CPEB3: variants seen among roughly 807,000 people sequenced by gnomAD.
The protein encoded by CPEB3 is cytoplasmic polyadenylation element-binding protein 3.
In CPEB3, 20 loss-of-function variants were observed where a neutral mutation model predicts 67.2. That is an observed-to-expected ratio of 0.30 (90% CI 0.21 to 0.43). The LOEUF is 0.43. CPEB3 is among the 20% of genes least tolerant of loss of function. The pLI, the probability that CPEB3 is intolerant of heterozygous loss-of-function variation, is 1.00. For synonymous variants in CPEB3, 376 were observed against 393.1 expected (o/e 0.96, Z 0.51); for missense variants, 746 against 968.6 (o/e 0.77, Z 3.05).
intron 2 of CPEB3, among the ~76,000 whole-genome samples, chr10:92,200,563 A>G: frequency 6.6e-6 from 1 of 151,770 alleles, no homozygotes; most frequent in East Asian, 1.9e-4. Flanking sequence ...AAAAAAAAAA[A>G]AAAAAAGATT....
intron 1 of CPEB3, among the ~76,000 whole-genome samples, chr10:92,276,727 T>C (rs910520320): frequency 2.8e-4 from 42 of 152,232 alleles, no homozygotes; most frequent in African/African-American, 9.6e-4. Context: ...CTGGGCTATA[T>C]GGTAACTCTA....
intron 6 of CPEB3, among the ~76,000 whole-genome samples, chr10:92,142,264 T>C (rs1457612054): frequency 6.6e-6 from 1 of 152,216 alleles, no homozygotes; most frequent in African/African-American, 2.4e-5. Context: ...TGAGTAATAT[T>C]ACACAATAAT....
At chr10:92,097,832 T>G (rs970433669) in intron 7 of CPEB3, among the ~76,000 whole-genome samples, 1 of 152,104 alleles carries the variant, frequency 6.6e-6, no homozygotes, top group Non-Finnish European at 1.5e-5. Context: ...ATGGCACCCA[T>G]TAGCGTACTT....
chr10:92,071,362 C>CA (rs1366883819), intron 9 of CPEB3, among the ~76,000 whole-genome samples: 8 of 151,974 alleles, frequency 5.3e-5, no homozygotes, highest in Admixed American at 2.6e-4. Context: ...TTTTTATAAA[C>CA]AAATTTTTCA....
intron 2 of CPEB3, among the ~76,000 whole-genome samples, chr10:92,193,810 T>G (rs1849099440): frequency 6.6e-6 from 1 of 151,794 alleles, no homozygotes; most frequent in Non-Finnish European, 1.5e-5. Flanking sequence ...TTTTTTCTTT[T>G]TTTTAAGACA....
intron 9 of CPEB3, among the ~76,000 whole-genome samples, chr10:92,076,834 GGAAA>G (rs68151467): frequency 0.32 from 47,801 of 149,500 alleles, 9,130 homozygotes; most frequent in South Asian, 0.56. Context: ...AGGAGGAGGA[GGAAA>G]GAAAGAGAGA....
chr10:92,068,714 AGAG>A (rs1165752470), intron 9 of CPEB3, among the ~76,000 whole-genome samples: 7 of 152,218 alleles, frequency 4.6e-5, no homozygotes, highest in Non-Finnish European at 1.0e-4. Context: ...ATGAAAGAAC[AGAG>A]GAGGACAGGA....
chr10:92,208,786 G>A (rs1849921436), intron 2 of CPEB3, among the ~76,000 whole-genome samples: 1 of 151,796 alleles, frequency 6.6e-6, no homozygotes, highest in Admixed American at 6.6e-5. Flanking sequence ...GTAGAGACGG[G>A]GTTTCACCAC....
chr10:92,275,784 CATAGCAAAAT>C (rs1433355995), intron 1 of CPEB3, among the ~76,000 whole-genome samples: 1 of 150,182 alleles, frequency 6.7e-6, no homozygotes, highest in Non-Finnish European at 1.5e-5. Context: ...GCTCCTGTCA[CATAGCAAAAT>C]GTTTTCAAGG....
chr10:92,157,652 G>GC (rs1679463923), intron 4 of CPEB3, among the ~76,000 whole-genome samples: 2 of 152,022 alleles, frequency 1.3e-5, no homozygotes, highest in African/African-American at 2.4e-5. Context: ...AAAATCACCA[G>GC]CCAACCTAAT....
chr10:92,145,932 T>G (rs1564817030), intron 4 of CPEB3, among the ~76,000 whole-genome samples: 2 of 152,154 alleles, frequency 1.3e-5, no homozygotes, highest in Non-Finnish European at 2.9e-5. Flanking sequence ...CTAAAGATCA[T>G]CAAGTTTTCC....
intron 8 of CPEB3, among the ~76,000 whole-genome samples, chr10:92,082,202 G>A (rs1843180817): frequency 6.6e-6 from 1 of 152,150 alleles, no homozygotes; most frequent in Non-Finnish European, 1.5e-5. Context: ...TACCCATGTT[G>A]TACCTTGCTA....
intron 2 of CPEB3, among the ~76,000 whole-genome samples, chr10:92,219,521 C>T (rs1850595008): frequency 6.6e-6 from 1 of 152,158 alleles, no homozygotes; most frequent in African/African-American, 2.4e-5. Flanking sequence ...TAACCACAGG[C>T]CTTGAATTTT....
chr10:92,199,659 G>C (rs1849416254), intron 2 of CPEB3, among the ~76,000 whole-genome samples: 1 of 131,620 alleles, frequency 7.6e-6, no homozygotes, highest in African/African-American at 3.1e-5. Flanking sequence ...ACTCCAGCCT[G>C]GGTGACAGAG....
At chr10:92,159,182 C>T (rs1679064583) in intron 4 of CPEB3, among the ~76,000 whole-genome samples, 1 of 152,044 alleles carries the variant, frequency 6.6e-6, no homozygotes, top group African/African-American at 2.4e-5. Context: ...AGAATTGCTT[C>T]AACCTTGGAG....
chr10:92,142,970 T>C (rs1487331716), intron 6 of CPEB3, 59 bp downstream of exon 6: 2 of 1,222,960 alleles, frequency 1.6e-6, no homozygotes, highest in Non-Finnish European at 2.4e-6. Context: ...CTGCCTTTTA[T>C]TGAACTGTCA....
At chr10:92,092,206 TTTTTA>T in intron 7 of CPEB3, among the ~76,000 whole-genome samples, 1 of 152,330 alleles carries the variant, frequency 6.6e-6, no homozygotes, top group Middle Eastern at 3.4e-3. Context: ...GCCTGTGGTT[TTTTTA>T]TTTTAAGGCA....
chr10:92,128,319 G>A (rs1845693285), intron 6 of CPEB3, among the ~76,000 whole-genome samples: 1 of 152,168 alleles, frequency 6.6e-6, no homozygotes. Flanking sequence ...ATAGCTGATA[G>A]GCTAAAAAGA....
chr10:92,141,495 G>A (rs1248431037), intron 6 of CPEB3, among the ~76,000 whole-genome samples: 1 of 150,964 alleles, frequency 6.6e-6, no homozygotes, highest in East Asian at 2.0e-4. Context: ...GTGGGGGGAT[G>A]GGGGAGGGAT....
Sources: allele counts gnomAD v4.1 joint callset (sites outside exome capture counted in the v4.1 genomes callset), GRCh38; gene constraint gnomAD v4.1.1; transcripts MANE v1.5; gene names NCBI Gene and HGNC (gene_info 2026-07-23, HGNC 2026-07-21).